RTF2: variants seen among roughly 807,000 people sequenced by gnomAD.
RTF2 encodes the protein replication termination factor 2.
A neutral mutation model predicts 38.0 loss-of-function variants in RTF2; 18 were observed. That is an observed-to-expected ratio of 0.47 (90% CI 0.33 to 0.70). RTF2 has a LOEUF of 0.70. RTF2 is among the 30% of genes least tolerant of loss of function. The pLI is 0.02. For missense variants in RTF2, 311 were observed against 379.6 expected (o/e 0.82, Z 1.50); for synonymous variants, 126 against 137.1 (o/e 0.92, Z 0.57).
intron 2 of RTF2, among the ~76,000 whole-genome samples, chr20:56,474,287 C>T (rs1272170742): frequency 6.6e-6 from 1 of 152,008 alleles, no homozygotes; most frequent in Non-Finnish European, 1.5e-5. Context: ...TTGAGACCAG[C>T]CTGGCCAATA....
intron 6 of RTF2, among the ~76,000 whole-genome samples, chr20:56,514,915 C>T (rs958108421): frequency 6.6e-5 from 10 of 151,898 alleles, no homozygotes; most frequent in Non-Finnish European, 1.5e-4. Flanking sequence ...GGCGTGGTGG[C>T]GTGTGCCTGT....
chr20:56,519,302 G>C lies in RTF2; in HGVS notation c.*1037G>C, dbSNP rs1985251708. 6.6e-6 allele frequency: 1 copy of C among 152,200 alleles called. No homozygotes were observed. The highest frequency in any genetic ancestry group is 1.5e-5 in the Non-Finnish European group (1 of 68,046). 9.4% of individuals were successfully genotyped at this position (152,200 alleles called of 1,614,324 possible). The stretch of plus-strand genomic sequence containing the variant: ...ACACAGACACGTGGGCAGAACTCCA[G>C]GGAGAGGCCAGCAAGGGAGAACCAT... On this transcript the variant is annotated 3_prime_UTR_variant, in exon 9 of 9. Transcript: ENST00000357348.
At chr20:56,489,670 C>T (rs4811708) in intron 5 of RTF2, among the ~76,000 whole-genome samples, 54,060 of 152,108 alleles carry the variant, frequency 0.36, 9,976 homozygotes, top group East Asian at 0.64. Context: ...TGCTGGTGGG[C>T]GGATGCTTTT....
intron 6 of RTF2, among the ~76,000 whole-genome samples, chr20:56,514,837 G>A (rs1303042579): frequency 2.6e-5 from 4 of 152,266 alleles, no homozygotes; most frequent in South Asian, 2.1e-4. Flanking sequence ...GAAATACTCC[G>A]TGGAGCAATA....
At chr20:56,508,900 G>A (rs1984454554) in intron 5 of RTF2, among the ~76,000 whole-genome samples, 1 of 152,206 alleles carries the variant, frequency 6.6e-6, no homozygotes, top group African/African-American at 2.4e-5. Context: ...AAATCTGTAA[G>A]TTTTAGTTAC....
chr20:56,516,248 GTAAAT>G (rs1985035982), intron 6 of RTF2: 1 of 152,202 alleles, frequency 6.6e-6, no homozygotes, highest in South Asian at 2.1e-4. Context: ...ACATTTTAAA[GTAAAT>G]TAAATGAACA....
At chr20:56,495,735 T>C (rs1983487037) in intron 5 of RTF2, among the ~76,000 whole-genome samples, 1 of 152,202 alleles carries the variant, frequency 6.6e-6, no homozygotes, top group South Asian at 2.1e-4. Flanking sequence ...AACCAATGTC[T>C]ACTGGACTCA....
At chr20:56,510,813 A>G (rs1423473284) in intron 5 of RTF2, among the ~76,000 whole-genome samples, 3 of 152,134 alleles carry the variant, frequency 2.0e-5, no homozygotes, top group African/African-American at 7.2e-5. Flanking sequence ...GGTGGCGCAC[A>G]CCTATAGCCC....
chr20:56,476,491 T>C (rs866312899), intron 3 of RTF2, among the ~76,000 whole-genome samples: 6 of 115,114 alleles, frequency 5.2e-5, no homozygotes, highest in Admixed American at 1.1e-4. Flanking sequence ...AAAAATCTTG[T>C]TTTCTGTTTT....
intron 4 of RTF2, among the ~76,000 whole-genome samples, chr20:56,482,006 G>A (rs1443913342): frequency 6.6e-6 from 1 of 152,222 alleles, no homozygotes; most frequent in African/African-American, 2.4e-5. Context: ...CCTGCAGCCT[G>A]TTGCTCTGAT....
intron 1 of RTF2, among the ~76,000 whole-genome samples, chr20:56,472,927 T>C (rs2146313878): frequency 6.6e-6 from 1 of 152,132 alleles, no homozygotes; most frequent in African/African-American, 2.4e-5. Context: ...ATCATTTGAG[T>C]CCAGGAGTTT....
At chr20:56,493,656 C>CAAAAA (rs57274640) in intron 5 of RTF2, among the ~76,000 whole-genome samples, 3 of 118,054 alleles carry the variant, frequency 2.5e-5, no homozygotes, top group Non-Finnish European at 3.6e-5. Context: ...GACCCTGTCT[C>CAAAAA]AAAAAAAAAA....
chr20:56,518,054 A>G lies in RTF2; in HGVS notation c.743-33A>G, dbSNP rs551163826. 6.3e-6 allele frequency: 10 copies of G among 1,587,768 alleles called. No individual in the cohort carries two copies. The South Asian group carries it at 1.0e-4, about 17-fold the overall frequency. On this transcript the variant is annotated intron_variant, in intron 8 of 8. Transcript: ENST00000357348. Reference sequence around the variant, plus strand: ...CGAAGTTTAGAATCATCTTTATCCCAACCCTGACAGTTTTGGCTCTTCATT... The same window carrying G: ...CGAAGTTTAGAATCATCTTTATCCCGACCCTGACAGTTTTGGCTCTTCATT...
Position 56,517,141 on chromosome 20 carries a change from C to A in RTF2, c.682C>A (p.Pro228Thr). 6.2e-7 allele frequency: 1 copy of A among 1,614,140 alleles called. No homozygotes were observed. Among genetic ancestry groups the A allele is most frequent in the Non-Finnish European group, 8.5e-7 (1 of 1,180,038 alleles). Residue 228 changes from proline to threonine, a missense_variant, in exon 8 of 9, where the codon CCT becomes ACT. Coordinates refer to ENST00000357348, the MANE Select transcript of RTF2 (RefSeq NM_016407.5). ...PGPSKVKTGK[P>T]EEASLDSREK... is the part of the protein sequence containing the mutation. ...GCCATCAAAAGTTAAGACAGGGAAG[C>A]CTGAAGAAGCCAGCCTTGATTCTAG...
At chr20:56,512,842 C>T (rs1230821418) in intron 5 of RTF2, among the ~76,000 whole-genome samples, 2 of 152,152 alleles carry the variant, frequency 1.3e-5, no homozygotes, top group Non-Finnish European at 2.9e-5. Context: ...CTTCCCCCCG[C>T]AACGAAACTG....
chr20:56,512,822 G>A (rs1226051960), intron 5 of RTF2, among the ~76,000 whole-genome samples: 3 of 152,300 alleles, frequency 2.0e-5, no homozygotes, highest in East Asian at 3.9e-4. Context: ...GGGGTTGTAC[G>A]AAGTGAATAC....
At chr20:56,517,988 G>A (rs1985156717) in intron 8 of RTF2, 99 bp from the exon 9 acceptor site, 10 of 1,227,326 alleles carry the variant, frequency 8.1e-6, no homozygotes, top group Middle Eastern at 2.2e-4. Flanking sequence ...GCAAGAGAAC[G>A]TCTGGGACAG....
At chr20:56,474,028 T>A (rs1345904357) in intron 2 of RTF2, among the ~76,000 whole-genome samples, 1 of 152,228 alleles carries the variant, frequency 6.6e-6, no homozygotes, top group Admixed American at 6.5e-5. Context: ...AGCCAGTTTT[T>A]ACAGCTCAAT....
chr20:56,516,464 A>C (rs1299979447), intron 6 of RTF2: 1 of 158,382 alleles, frequency 6.3e-6, no homozygotes, highest in East Asian at 1.9e-4. Flanking sequence ...CTTACACTTG[A>C]ATAACAAATA....
Sources: allele counts gnomAD v4.1 joint callset (sites outside exome capture counted in the v4.1 genomes callset), GRCh38; gene constraint gnomAD v4.1.1; transcripts MANE v1.5; gene names NCBI Gene and HGNC (gene_info 2026-07-23, HGNC 2026-07-21).